HS6ST2: variants seen among roughly 807,000 people sequenced by gnomAD.
HS6ST2 encodes heparan sulfate 6-O-sulfotransferase 2.
In HS6ST2, 17 loss-of-function variants were observed where a neutral mutation model predicts 33.0. The observed-to-expected ratio is 0.52, with a 90% CI of 0.35 to 0.77. HS6ST2 has a LOEUF of 0.77. Ranked by LOEUF, HS6ST2 falls within the 30% of genes least tolerant of loss-of-function variation. The pLI is 0.01. For missense variants in HS6ST2, 519 were observed against 551.7 expected (o/e 0.94, Z 0.59); for synonymous variants, 248 against 237.1 (o/e 1.05, Z -0.42).
intron 2 of HS6ST2, among the ~76,000 whole-genome samples, chrX:132,799,133 T>C (rs2065212159): frequency 9.0e-6 from 1 of 111,029 alleles, no homozygotes. Flanking sequence ...GTTTCTAGGC[T>C]TTAGAAGTCC....
intron 2 of HS6ST2, among the ~76,000 whole-genome samples, chrX:132,814,667 G>A (rs777190991): frequency 3.4e-4 from 38 of 111,025 alleles, no homozygotes; most frequent in Non-Finnish European, 6.0e-4. Context: ...GAGCCACTGC[G>A]CCCAACCTCA....
At chrX:132,673,428 G>A (rs759602344) in intron 3 of HS6ST2, among the ~76,000 whole-genome samples, 1 of 112,489 alleles carries the variant, frequency 8.9e-6, no homozygotes, top group African/African-American at 3.2e-5. Context: ...AGTCACTGAA[G>A]GTTGGTCATC....
At chrX:132,746,986 A>T (rs1288604381) in intron 2 of HS6ST2, among the ~76,000 whole-genome samples, 1 of 112,328 alleles carries the variant, frequency 8.9e-6, no homozygotes, top group Admixed American at 9.4e-5. Context: ...TGGGAATCTG[A>T]GTCCTCGGTC....
At chrX:132,798,540 A>G (rs748848340) in intron 2 of HS6ST2, among the ~76,000 whole-genome samples, 1 of 111,889 alleles carries the variant, frequency 8.9e-6, no homozygotes, top group Admixed American at 9.5e-5. Flanking sequence ...GATGTATTCC[A>G]GTATTGTCCT....
intron 3 of HS6ST2, among the ~76,000 whole-genome samples, chrX:132,690,242 G>A: frequency 8.9e-6 from 1 of 112,004 alleles, no homozygotes; most frequent in Non-Finnish European, 1.9e-5. Flanking sequence ...TAGCTTACTG[G>A]CCATACCAAA....
intron 2 of HS6ST2, among the ~76,000 whole-genome samples, chrX:132,881,394 T>C (rs1193776676): frequency 1.8e-5 from 2 of 112,266 alleles, no homozygotes; most frequent in Non-Finnish European, 3.8e-5. Flanking sequence ...TGAGCATTTT[T>C]TCATGTGTTT....
chrX:132,877,549 C>T (rs997949180), intron 2 of HS6ST2, among the ~76,000 whole-genome samples: 6 of 111,446 alleles, frequency 5.4e-5, no homozygotes, highest in Non-Finnish European at 1.1e-4. Context: ...AACCTCTCAG[C>T]TCTGTCCACT....
At chrX:132,841,132 C>T (rs1602737571) in intron 2 of HS6ST2, among the ~76,000 whole-genome samples, 2 of 111,988 alleles carry the variant, frequency 1.8e-5, no homozygotes, top group Admixed American at 1.9e-4. Flanking sequence ...AAATAATGAG[C>T]TAGTACTCTT....
At chrX:132,873,062 C>T (rs1440914900) in intron 2 of HS6ST2, among the ~76,000 whole-genome samples, 7 of 111,227 alleles carry the variant, frequency 6.3e-5, no homozygotes, top group Admixed American at 1.9e-4. Flanking sequence ...TCTCAGGAAC[C>T]AAAAATCATA....
At chrX:132,706,584 A>G (rs1444971655) in intron 3 of HS6ST2, among the ~76,000 whole-genome samples, 3 of 112,078 alleles carry the variant, frequency 2.7e-5, no homozygotes, top group Admixed American at 9.5e-5. Flanking sequence ...TATCGCTGTT[A>G]ATTGTGCAAG....
chrX:132,753,098 T>A (rs2064723298), intron 2 of HS6ST2, among the ~76,000 whole-genome samples: 1 of 111,564 alleles, frequency 9.0e-6, no homozygotes, highest in Admixed American at 9.5e-5. Context: ...CTCTGGCTGC[T>A]GGGCACAGCA....
intron 4 of HS6ST2, 63 bp from the exon 5 acceptor site, chrX:132,629,156 G>A: frequency 9.1e-7 from 1 of 1,095,788 alleles, no homozygotes; most frequent in East Asian, 3.2e-5. Context: ...AGTCATGGAG[G>A]TACATGGCAT....
chrX:132,799,407 C>T (rs1207198134), intron 2 of HS6ST2, among the ~76,000 whole-genome samples: 2 of 107,647 alleles, frequency 1.9e-5, no homozygotes, highest in Admixed American at 2.0e-4. Flanking sequence ...CAGGGTCTTG[C>T]CCTGTCATCC....
chrX:132,818,861 C>A (rs1442020896), intron 2 of HS6ST2, among the ~76,000 whole-genome samples: 1 of 111,907 alleles, frequency 8.9e-6, no homozygotes, highest in Admixed American at 9.5e-5. Context: ...TGTCAGCCAA[C>A]CCCCAGCACA....
chrX:132,832,752 T>C, intron 2 of HS6ST2, among the ~76,000 whole-genome samples: 1 of 111,920 alleles, frequency 8.9e-6, no homozygotes, highest in East Asian at 2.8e-4. Flanking sequence ...TTCTGGAAAA[T>C]TTCTTTCTGT....
intron 4 of HS6ST2, among the ~76,000 whole-genome samples, chrX:132,666,386 A>G (rs1233969349): frequency 1.8e-5 from 2 of 111,802 alleles, no homozygotes; most frequent in Non-Finnish European, 3.8e-5. Context: ...GTCTAGTGCA[A>G]TGGCACAAAG....
rs183253862 is a variant in HS6ST2, at chrX:132,683,989, T to C, written c.981-14790A>G. Among the ~76,000 whole-genome samples, 1,093 of 110,213 alleles carry C rather than the reference T, an allele frequency of 9.9e-3. 35 individuals carry two copies. Among genetic ancestry groups the C allele is most frequent in the Admixed American group, 0.097 (984 of 10,135 alleles). The stretch of plus-strand genomic sequence containing the variant: ...AGGGATAAGAGACTAATTCTCAAAA[T>C]CTTAAAGAGCAAGATTACTGAAATT... On this transcript the variant is annotated intron_variant, in intron 3 of 4. Coordinates refer to ENST00000370833, the MANE Select transcript of HS6ST2 (RefSeq NM_001394073.1).
intron 2 of HS6ST2, among the ~76,000 whole-genome samples, chrX:132,891,472 T>C (rs1276507458): frequency 9.2e-6 from 1 of 108,807 alleles, no homozygotes; most frequent in East Asian, 2.9e-4. Context: ...GCCATGCTGG[T>C]GTGCTGCACC....
chrX:132,748,046 G>T (rs1283448221), intron 2 of HS6ST2, among the ~76,000 whole-genome samples: 2 of 111,632 alleles, frequency 1.8e-5, no homozygotes, highest in Non-Finnish European at 3.8e-5. Context: ...CAGTTAGCGT[G>T]TTCATGAATC....
Sources: allele counts gnomAD v4.1 joint callset (sites outside exome capture counted in the v4.1 genomes callset), GRCh38; gene constraint gnomAD v4.1.1; transcripts MANE v1.5; gene names NCBI Gene and HGNC (gene_info 2026-07-23, HGNC 2026-07-21).